CCDC171: variants seen among roughly 807,000 people sequenced by gnomAD.
CCDC171 encodes the protein coiled-coil domain-containing protein 171.
CCDC171 carries 177 observed loss-of-function variants against 168.2 expected under a neutral mutation model. The ratio of observed to expected loss-of-function variants is 1.05; its 90% CI spans 0.93 to 1.19. The LOEUF (loss-of-function observed/expected upper bound fraction) is 1.19, where lower values mean the gene tolerates loss of function less well. Ranked by LOEUF, CCDC171 falls within the 50% of genes most tolerant of loss-of-function variation. The probability of loss-of-function intolerance (pLI) is 0.00; values close to 1 mark genes in which losing one functional copy is unlikely to be tolerated. For synonymous variants in CCDC171, 687 were observed against 540.8 expected (o/e 1.27, Z -3.75); for missense variants, 1,991 against 1,539.0 (o/e 1.29, Z -4.91).
chr9:15,805,735 T>C (rs2059042131), intron 21 of CCDC171, among the ~76,000 whole-genome samples: 1 of 152,160 alleles, frequency 6.6e-6, no homozygotes. Flanking sequence ...TGTTTTTGGG[T>C]GAAGAGTTCT....
intron 11 of CCDC171, among the ~76,000 whole-genome samples, chr9:15,699,679 C>T (rs561655075): frequency 3.2e-4 from 49 of 152,152 alleles, no homozygotes; most frequent in Non-Finnish European, 6.5e-4. Flanking sequence ...TTCACAAACA[C>T]TGAGCTAGAC....
chr9:15,791,825 C>T (rs1160239378), intron 21 of CCDC171, among the ~76,000 whole-genome samples: 4 of 152,136 alleles, frequency 2.6e-5, no homozygotes, highest in Non-Finnish European at 5.9e-5. Context: ...CTCATATGTA[C>T]GTCACCATCA....
At chr9:15,872,648 A>T (rs1817309117) in intron 23 of CCDC171, among the ~76,000 whole-genome samples, 1 of 152,022 alleles carries the variant, frequency 6.6e-6, no homozygotes, top group South Asian at 2.1e-4. Flanking sequence ...TGGGGGCTCA[A>T]ATTTAATAAA....
At chr9:15,632,148 A>G (rs937287199) in intron 7 of CCDC171, among the ~76,000 whole-genome samples, 2 of 150,712 alleles carry the variant, frequency 1.3e-5, no homozygotes, top group African/African-American at 2.4e-5. Flanking sequence ...CCTATTCAAC[A>G]TAGTGTTGGA....
At chr9:16,039,012 G>A (rs1833527385), upstream of CCDC171, among the ~76,000 whole-genome samples, 1 of 152,134 alleles carries the variant, frequency 6.6e-6, no homozygotes, top group African/African-American at 2.4e-5. Flanking sequence ...GAAGTCCCAA[G>A]AGGAACTGTG....
chr9:16,037,851 A>C (rs1361112484), upstream of CCDC171, among the ~76,000 whole-genome samples: 1 of 152,150 alleles, frequency 6.6e-6, no homozygotes, highest in African/African-American at 2.4e-5. Flanking sequence ...AGCGTTTAGA[A>C]GTAGAAATAG....
intron 3 of CCDC171, among the ~76,000 whole-genome samples, chr9:15,979,911 G>T (rs1253013632): frequency 7.3e-6 from 1 of 137,192 alleles, no homozygotes; most frequent in African/African-American, 2.7e-5. Context: ...CTTGGCCTGA[G>T]CTTTTCTTTG....
Position 15,779,036 on chromosome 9 carries a change from G to T in CCDC171, c.2967G>T (p.Glu989Asp). The change falls in exon 20 of 26, where the codon GAG (glutamate) becomes GAT (aspartate). Residue 989 changes from glutamate (E) to aspartate (D), a missense_variant. Glu to Asp is a conservative substitution (Grantham distance 45, BLOSUM62 2). Coordinates refer to ENST00000380701, the MANE Select transcript of CCDC171 (RefSeq NM_173550.4). ...FTQRLHAAEVERRSLRLEVTE... is the reference protein window; with the variant it reads ...FTQRLHAAEVDRRSLRLEVTE... ...AAAGACTGCATGCTGCAGAAGTGGAGCGCCGCTCACTACGCTTAGAGGTCA... is the reference window on the plus strand; with the variant it reads ...AAAGACTGCATGCTGCAGAAGTGGATCGCCGCTCACTACGCTTAGAGGTCA... The T allele has an allele frequency of 6.2e-7, 1 of 1,603,136 alleles. No individual in the cohort carries two copies. Among genetic ancestry groups the T allele is most frequent in the Non-Finnish European group, 8.5e-7 (1 of 1,175,198 alleles).
intron 21 of CCDC171, among the ~76,000 whole-genome samples, chr9:15,796,513 A>C (rs1439561561): frequency 6.6e-6 from 1 of 152,244 alleles, no homozygotes; most frequent in Non-Finnish European, 1.5e-5. Flanking sequence ...ACTTAATTCA[A>C]AATAACTTAA....
the CCDC171 span, among the ~76,000 whole-genome samples, chr9:16,105,277 G>A: frequency 7.2e-5 from 11 of 152,322 alleles, no homozygotes; most frequent in South Asian, 2.1e-4. Context: ...CGGGAGAAGT[G>A]TGGGGAAGAA....
intron 24 of CCDC171, among the ~76,000 whole-genome samples, chr9:15,878,284 A>C (rs112204743): frequency 2.6e-5 from 4 of 152,238 alleles, no homozygotes; most frequent in African/African-American, 9.6e-5. Context: ...TACGAGAAAA[A>C]ACCAACCCCA....
chr9:15,963,559 G>A (rs1564078249), intron 25 of CCDC171, among the ~76,000 whole-genome samples: 1 of 152,136 alleles, frequency 6.6e-6, no homozygotes, highest in African/African-American at 2.4e-5. Flanking sequence ...GAGTTTGCCT[G>A]ATTCCCTCTT....
chr9:15,635,205 C>T (rs931252829), intron 7 of CCDC171, among the ~76,000 whole-genome samples: 1 of 152,146 alleles, frequency 6.6e-6, no homozygotes, highest in Non-Finnish European at 1.5e-5. Flanking sequence ...GGAAGTCAGT[C>T]GAAGTCTCAA....
At chr9:15,877,689 CT>C (rs904657821) in intron 24 of CCDC171, among the ~76,000 whole-genome samples, 4 of 152,010 alleles carry the variant, frequency 2.6e-5, no homozygotes, top group Non-Finnish European at 5.9e-5. Context: ...AAAAACACCC[CT>C]ATTAGACCAA....
chr9:15,672,644 G>A (rs1400897031), intron 9 of CCDC171, among the ~76,000 whole-genome samples: 3 of 152,100 alleles, frequency 2.0e-5, no homozygotes, highest in African/African-American at 7.2e-5. Context: ...CAGGTTTGTT[G>A]AAGATCAGAT....
chr9:15,894,782 G>T (rs184102750), intron 24 of CCDC171, among the ~76,000 whole-genome samples: 85 of 152,102 alleles, frequency 5.6e-4, no homozygotes, highest in African/African-American at 1.9e-3. Context: ...CCTCATTGAA[G>T]ACTTCTCTCA....
At chr9:15,840,938 A>C (rs2060653516) in intron 21 of CCDC171, among the ~76,000 whole-genome samples, 1 of 151,940 alleles carries the variant, frequency 6.6e-6, no homozygotes. Context: ...TTTTTATTCC[A>C]TTATATTTTA....
At chr9:15,728,202 T>G (rs2053937231) in intron 15 of CCDC171, among the ~76,000 whole-genome samples, 166 bp downstream of exon 15, 1 of 152,204 alleles carries the variant, frequency 6.6e-6, no homozygotes, top group South Asian at 2.1e-4. Flanking sequence ...TTGATGCCAT[T>G]GCTGTGGGCA....
the CCDC171 span, among the ~76,000 whole-genome samples, chr9:16,096,710 A>C: frequency 1.3e-5 from 2 of 152,168 alleles, no homozygotes; most frequent in South Asian, 4.1e-4. Context: ...CACTTCTTGC[A>C]AGTTCTAGAA....
Sources: gnomAD v4.1 joint callset for allele counts (sites outside exome capture counted in the v4.1 genomes callset) on GRCh38, gnomAD v4.1.1 for gene constraint, MANE v1.5 for transcripts, NCBI Gene and HGNC (gene_info 2026-07-23, HGNC 2026-07-21) for gene names.